Variants in ELF2 observed in about 807,000 individuals in gnomAD.
ELF2 encodes E74 like ETS transcription factor 2.
Under a neutral mutation model 54.8 loss-of-function variants are expected in ELF2, and 11 were observed. The ratio of observed to expected loss-of-function variants is 0.20; its 90% confidence interval spans 0.13 to 0.33. The LOEUF is 0.33. ELF2 is among the 10% of genes least tolerant of loss of function. ELF2 has a pLI of 1.00. For missense variants in ELF2, 513 were observed against 703.0 expected (o/e 0.73, Z 3.06); for synonymous variants, 203 against 245.1 (o/e 0.83, Z 1.61).
At chr4:139,104,921 AC>A (rs1207871957) in intron 4 of ELF2, among the ~76,000 whole-genome samples, 1 of 151,796 alleles carries the variant, frequency 6.6e-6, no homozygotes, top group Non-Finnish European at 1.5e-5. Context: ...AACCCTATCT[AC>A]TCTATAATAC....
At chr4:139,103,083 G>T (rs1439545912) in intron 4 of ELF2, among the ~76,000 whole-genome samples, 4 of 152,084 alleles carry the variant, frequency 2.6e-5, no homozygotes, top group Non-Finnish European at 5.9e-5. Flanking sequence ...TTGCCATATT[G>T]CCCAGGCTAA....
chr4:139,059,271 A>G lies in ELF2; in HGVS notation c.1494T>C (p.Pro498=). 6.2e-7 allele frequency: 1 copy of G among 1,613,942 alleles called. No homozygotes were observed. The highest frequency in any genetic ancestry group is 8.5e-7 in the Non-Finnish European group (1 of 1,179,870). ...GTPLAVRALT[P]VSIAHGTPVM... ...CAGGTGTACCATGGGCTATTGAAACAGGGGTAAGTGCTCTCACAGCCAATG... is the reference window on the plus strand; with the variant it reads ...CAGGTGTACCATGGGCTATTGAAACGGGGGTAAGTGCTCTCACAGCCAATG... Residue 498 remains proline, a synonymous_variant, in exon 10 of 10, where the codon CCT becomes CCC. Coordinates refer to ENST00000686138, the MANE Select transcript of ELF2 (RefSeq NM_001331036.3).
At chr4:139,083,344 G>A (rs1271910625) in intron 4 of ELF2, among the ~76,000 whole-genome samples, 3 of 152,000 alleles carry the variant, frequency 2.0e-5, no homozygotes, top group Non-Finnish European at 4.4e-5. Flanking sequence ...AATATATTCC[G>A]TGTTCTTCCC....
At chr4:139,146,474 C>A (rs992486611) in intron 1 of ELF2, among the ~76,000 whole-genome samples, 1 of 152,170 alleles carries the variant, frequency 6.6e-6, no homozygotes, top group African/African-American at 2.4e-5. Context: ...AGATTCAATA[C>A]AAATCTGATC....
intron 1 of ELF2, among the ~76,000 whole-genome samples, chr4:139,163,958 GAAAA>G (rs1402601807): frequency 1.4e-5 from 2 of 146,722 alleles, no homozygotes; most frequent in African/African-American, 5.1e-5. Context: ...GTGAGAAAGA[GAAAA>G]GAAAGAAAGG....
intron 1 of ELF2, among the ~76,000 whole-genome samples, chr4:139,160,115 A>G (rs1740975984): frequency 6.6e-6 from 1 of 152,184 alleles, no homozygotes; most frequent in African/African-American, 2.4e-5. Context: ...AGGCGGGCAG[A>G]TCACGAGGTC....
intron 4 of ELF2, among the ~76,000 whole-genome samples, chr4:139,103,239 G>A (rs1734090645): frequency 6.6e-6 from 1 of 152,148 alleles, no homozygotes; most frequent in Non-Finnish European, 1.5e-5. Flanking sequence ...TGGCATACAA[G>A]TCCTAAAATC....
chr4:139,155,328 A>ATC (rs1740417675), intron 1 of ELF2: 2 of 152,268 alleles, frequency 1.3e-5, no homozygotes, highest in South Asian at 4.2e-4. Context: ...AGAAGAGGTA[A>ATC]ACCAGCTCAG....
intron 1 of ELF2, among the ~76,000 whole-genome samples, chr4:139,168,588 G>A (rs1741947616): frequency 6.6e-6 from 1 of 152,116 alleles, no homozygotes; most frequent in South Asian, 2.1e-4. Flanking sequence ...AAAGGGTCCT[G>A]ACACTGACTC....
At chr4:139,093,420 T>C (rs1732897429) in intron 4 of ELF2, among the ~76,000 whole-genome samples, 2 of 152,218 alleles carry the variant, frequency 1.3e-5, no homozygotes, top group Admixed American at 1.3e-4. Flanking sequence ...TTGCAGAAGA[T>C]AGAAGAGAAA....
intron 4 of ELF2, among the ~76,000 whole-genome samples, chr4:139,123,199 T>G (rs991146714): frequency 6.7e-6 from 1 of 148,944 alleles, no homozygotes; most frequent in African/African-American, 2.5e-5. Context: ...AAAAAAAAAA[T>G]CCGTGAGCCA....
chr4:139,121,102 T>A (rs1736272080), intron 4 of ELF2, among the ~76,000 whole-genome samples: 1 of 76,372 alleles, frequency 1.3e-5, no homozygotes, highest in Non-Finnish European at 2.9e-5. Context: ...CAGATTTTTT[T>A]TTTTTTTTTT....
intron 4 of ELF2, among the ~76,000 whole-genome samples, chr4:139,109,505 T>C (rs1055601591): frequency 1.3e-5 from 2 of 152,196 alleles, no homozygotes; most frequent in Non-Finnish European, 1.5e-5. Flanking sequence ...AGACATTTAG[T>C]CTTAAGAGAT....
chr4:139,159,055 T>C (rs1247169457), intron 1 of ELF2, among the ~76,000 whole-genome samples: 1 of 152,158 alleles, frequency 6.6e-6, no homozygotes, highest in Non-Finnish European at 1.5e-5. Flanking sequence ...AGGAATTATG[T>C]CTGACAGAAG....
intron 1 of ELF2, among the ~76,000 whole-genome samples, chr4:139,157,084 TAC>T (rs1740624777): frequency 6.6e-6 from 1 of 152,196 alleles, no homozygotes; most frequent in South Asian, 2.1e-4. Flanking sequence ...AGAGCGTACT[TAC>T]ACAGACATAG....
At chr4:139,103,702 CA>C (rs1734142145) in intron 4 of ELF2, among the ~76,000 whole-genome samples, 2 of 152,238 alleles carry the variant, frequency 1.3e-5, no homozygotes, top group African/African-American at 4.8e-5. Context: ...TCCAAGTAGA[CA>C]GTGTCAGAAC....
At chr4:139,069,024 C>T (rs994265942) in intron 6 of ELF2, among the ~76,000 whole-genome samples, 1 of 152,078 alleles carries the variant, frequency 6.6e-6, no homozygotes, top group African/African-American at 2.4e-5. Context: ...TGTGCACCAC[C>T]ACGTCCAGCT....
At chr4:139,154,055 T>G (rs988179740) in intron 1 of ELF2, among the ~76,000 whole-genome samples, 8 of 152,246 alleles carry the variant, frequency 5.3e-5, no homozygotes, top group African/African-American at 1.7e-4. Context: ...ATTTTTGTGT[T>G]CCTTTTGCCT....
intron 1 of ELF2, among the ~76,000 whole-genome samples, chr4:139,160,173 T>G (rs1553974264): frequency 6.6e-6 from 1 of 152,100 alleles, no homozygotes; most frequent in Non-Finnish European, 1.5e-5. Context: ...CTGTCTCTAC[T>G]AAAAGTACAA....
Sources: gnomAD v4.1 joint callset for allele counts (sites outside exome capture counted in the v4.1 genomes callset) on GRCh38, gnomAD v4.1.1 for gene constraint, MANE v1.5 for transcripts, NCBI Gene and HGNC (gene_info 2026-07-23, HGNC 2026-07-21) for gene names.